SEMA3A: variants seen among roughly 807,000 people sequenced by gnomAD.
SEMA3A encodes semaphorin 3A, also known as semaphorin-3A.
Under a neutral mutation model 97.9 loss-of-function variants are expected in SEMA3A, and 29 were observed. That is an observed-to-expected ratio of 0.30 (90% confidence interval 0.22 to 0.40). The LOEUF (loss-of-function observed/expected upper bound fraction) is 0.40, where lower values mean the gene tolerates loss of function less well. Among genes scored for constraint, SEMA3A ranks in the 10% least tolerant of loss-of-function variants. SEMA3A has a pLI of 1.00. For synonymous variants in SEMA3A, 321 were observed against 323.7 expected (o/e 0.99, Z 0.09); for missense variants, 763 against 951.3 (o/e 0.80, Z 2.60).
At chr7:84,303,139 C>T (rs370904818) in intron 3 of SEMA3A, among the ~76,000 whole-genome samples, 21 of 152,236 alleles carry the variant, frequency 1.4e-4, no homozygotes, top group African/African-American at 5.1e-4. Flanking sequence ...CCCACCCTCA[C>T]TGGGTGCAGA....
At chr7:84,150,738 A>G (rs1436862349) in intron 1 of SEMA3A, among the ~76,000 whole-genome samples, 1 of 152,098 alleles carries the variant, frequency 6.6e-6, no homozygotes, top group Non-Finnish European at 1.5e-5. Flanking sequence ...GGAGCCCACC[A>G]CAGCTCAAGG....
chr7:84,116,863 C>T (rs964796063), intron 3 of SEMA3A, among the ~76,000 whole-genome samples: 5 of 152,086 alleles, frequency 3.3e-5, no homozygotes, highest in African/African-American at 9.7e-5. Flanking sequence ...CCAGTCTGTG[C>T]CACTTTATTA....
At chr7:84,121,633 C>G (rs1320468076) in intron 3 of SEMA3A, among the ~76,000 whole-genome samples, 2 of 28,540 alleles carry the variant, frequency 7.0e-5, no homozygotes, top group East Asian at 6.4e-3. Context: ...GGGTTGGTTC[C>G]AAGTCTTTTT....
At chr7:84,275,070 A>G (rs1456616010) in intron 3 of SEMA3A, among the ~76,000 whole-genome samples, 3 of 152,086 alleles carry the variant, frequency 2.0e-5, no homozygotes, top group African/African-American at 7.2e-5. Context: ...TATTTTTTAC[A>G]TATAATTCAG....
chr7:84,119,268 T>C (rs1002427870), intron 3 of SEMA3A, among the ~76,000 whole-genome samples: 1 of 152,156 alleles, frequency 6.6e-6, no homozygotes, highest in African/African-American at 2.4e-5. Context: ...ATAGCATGGA[T>C]AGTACAGTAT....
chr7:83,989,148 A>G (rs1218199033), intron 12 of SEMA3A, among the ~76,000 whole-genome samples: 4 of 152,170 alleles, frequency 2.6e-5, no homozygotes, highest in African/African-American at 9.7e-5. Flanking sequence ...CATGACATAA[A>G]GTTTACAATC....
At chr7:84,408,335 A>G (rs565990696) in intron 1 of SEMA3A, among the ~76,000 whole-genome samples, 28 of 152,250 alleles carry the variant, frequency 1.8e-4, no homozygotes, top group African/African-American at 6.7e-4. Context: ...AATCAAAACC[A>G]CAATGAGATA....
rs183328369 is a variant in SEMA3A, at chr7:84,453,570, C to T, written c.-246+38890G>A. 8.5e-4 allele frequency among the ~76,000 whole-genome samples: 129 copies of T among 152,246 alleles called. 1 individual carries two copies. The highest frequency in any genetic ancestry group is 3.4e-3 in the Middle Eastern group (1 of 294). On this transcript the variant is annotated intron_variant, in intron 1 of 3. Transcript: ENST00000424555. ...TTTCTATTGAGTGATAGAGACAATG[C>T]ATCCTGATTCACACAGTGAAATGCT... is the stretch of plus-strand genomic sequence containing the variant.
intron 12 of SEMA3A, among the ~76,000 whole-genome samples, chr7:83,988,430 T>C (rs192900294): frequency 2.0e-4 from 30 of 152,040 alleles, no homozygotes; most frequent in Non-Finnish European, 4.1e-4. Flanking sequence ...GGTTTCACCA[T>C]GTGTTAGCCA....
At position 84,166,145 on chromosome 7, in the gene SEMA3A, G is replaced by A. The variant is rs575222037; in HGVS notation, c.112+28330C>T. ...ATAAATATTAGCTGGGTATGGTGGCGAACTCCTGTAGTCTCAGATTCTGGG... is the reference window on the plus strand; with the variant it reads ...ATAAATATTAGCTGGGTATGGTGGCAAACTCCTGTAGTCTCAGATTCTGGG... On this transcript the variant is annotated intron_variant, in intron 1 of 16. Transcript: ENST00000265362. Among the ~76,000 whole-genome samples the A allele has an allele frequency of 3.9e-5, 6 of 152,010 alleles. No homozygotes were observed. In the East Asian group the frequency reaches 9.8e-4, roughly 25 times the overall value.
At chr7:83,995,370 G>C (rs1041205176) in intron 12 of SEMA3A, among the ~76,000 whole-genome samples, 2 of 152,094 alleles carry the variant, frequency 1.3e-5, no homozygotes, top group Admixed American at 6.6e-5. Flanking sequence ...TATATGAATG[G>C]TGAAACATAA....
chr7:84,253,166 A>C (rs1799646373), intron 3 of SEMA3A, among the ~76,000 whole-genome samples: 1 of 152,148 alleles, frequency 6.6e-6, no homozygotes, highest in African/African-American at 2.4e-5. Flanking sequence ...GCATGAGCCA[A>C]GGAGCCCAGT....
intron 3 of SEMA3A, among the ~76,000 whole-genome samples, chr7:84,246,757 AC>A (rs1474304737): frequency 1.3e-5 from 2 of 152,108 alleles, no homozygotes; most frequent in Non-Finnish European, 2.9e-5. Flanking sequence ...TGATATGTAT[AC>A]ATGTACAAGG....
chr7:84,344,709 G>A (rs1802253821), intron 2 of SEMA3A, among the ~76,000 whole-genome samples: 1 of 152,090 alleles, frequency 6.6e-6, no homozygotes, highest in African/African-American at 2.4e-5. Context: ...ACTACAAAAC[G>A]AAGGAGAAAG....
At chr7:84,270,587 T>C (rs967630484) in intron 3 of SEMA3A, among the ~76,000 whole-genome samples, 18 of 147,768 alleles carry the variant, frequency 1.2e-4, no homozygotes, top group African/African-American at 4.4e-4. Context: ...CATAAATATA[T>C]AAATAATTAT....
At chr7:84,116,676 C>T (rs996300175) in intron 3 of SEMA3A, among the ~76,000 whole-genome samples, 1 of 152,072 alleles carries the variant, frequency 6.6e-6, no homozygotes, top group African/African-American at 2.4e-5. Flanking sequence ...AACTTGGATA[C>T]ATAAGGAGAC....
intron 4 of SEMA3A, among the ~76,000 whole-genome samples, chr7:84,097,636 A>C (rs1794816980): frequency 6.6e-6 from 1 of 152,128 alleles, no homozygotes; most frequent in Admixed American, 6.6e-5. Flanking sequence ...ATAAAAATGG[A>C]AAGTAGTCAA....
chr7:84,100,337 CTGGAATGTCCTTTTA>C (rs752076882), intron 4 of SEMA3A, among the ~76,000 whole-genome samples: 187 of 152,278 alleles, frequency 1.2e-3, no homozygotes, highest in Non-Finnish European at 2.4e-3. Flanking sequence ...TTGTATGGTG[CTGGAATGTCCTTTTA>C]AAGGTGCAGG....
At chr7:84,034,110 A>C (rs1479829376) in intron 6 of SEMA3A, among the ~76,000 whole-genome samples, 1 of 151,808 alleles carries the variant, frequency 6.6e-6, no homozygotes, top group Non-Finnish European at 1.5e-5. Context: ...CAGCCTCCCA[A>C]GTAGCTGGGA....
Sources: allele counts gnomAD v4.1 joint callset (sites outside exome capture counted in the v4.1 genomes callset), GRCh38; gene constraint gnomAD v4.1.1; transcripts MANE v1.5; gene names NCBI Gene and HGNC (gene_info 2026-07-23, HGNC 2026-07-21).